Variants in PRKG1 observed in about 807,000 individuals in gnomAD.
PRKG1 encodes the protein cGMP-dependent protein kinase 1.
A neutral mutation model predicts 88.1 loss-of-function variants in PRKG1; 35 were observed. That is an observed-to-expected ratio of 0.40 (90% CI 0.30 to 0.53). PRKG1 has a LOEUF of 0.53. Among genes scored for constraint, PRKG1 ranks in the 20% least tolerant of loss-of-function variants. PRKG1 has a pLI of 0.59. For synonymous variants in PRKG1, 303 were observed against 292.5 expected (o/e 1.04, Z -0.37); for missense variants, 540 against 839.8 (o/e 0.64, Z 4.41).
intron 2 of PRKG1, among the ~76,000 whole-genome samples, chr10:51,236,541 C>A (rs145287293): frequency 1.3e-5 from 2 of 150,528 alleles, no homozygotes; most frequent in African/African-American, 2.5e-5. Context: ...CTTGCTCTGT[C>A]GCCCAGGCTG....
chr10:51,918,682 C>A (rs970999574), intron 5 of PRKG1, among the ~76,000 whole-genome samples: 1 of 152,104 alleles, frequency 6.6e-6, no homozygotes, highest in Admixed American at 6.6e-5. Flanking sequence ...TTGTGTGAAA[C>A]TGTAAATTAG....
chr10:52,283,801 T>C (rs895641680), intron 14 of PRKG1, among the ~76,000 whole-genome samples: 3 of 152,018 alleles, frequency 2.0e-5, no homozygotes, highest in Admixed American at 6.6e-5. Context: ...GGCAGAGAGA[T>C]AGATAAAAAG....
At chr10:52,021,689 T>A (rs1166864538) in intron 5 of PRKG1, among the ~76,000 whole-genome samples, 1 of 152,200 alleles carries the variant, frequency 6.6e-6, no homozygotes, top group African/African-American at 2.4e-5. Context: ...TATGCATCAT[T>A]TGAATTACCC....
At position 51,111,287 on chromosome 10, in the gene PRKG1, G is replaced by A. The variant is rs186782336; in HGVS notation, c.311+36386G>A. Among the ~76,000 whole-genome samples the A allele has an allele frequency of 4.2e-4, 64 of 152,126 alleles. No individual in the cohort carries two copies. The East Asian group carries it at 0.012, about 28-fold the overall frequency. ...TTGTTTATATTTTTAAATTTTTTGT[G>A]TGGGCACATAGTAGATTTATATATT... On this transcript the variant is annotated intron_variant, in intron 1 of 17. Transcript: ENST00000373980.
chr10:51,508,191 C>A (rs770460302), intron 3 of PRKG1, among the ~76,000 whole-genome samples: 4 of 152,042 alleles, frequency 2.6e-5, no homozygotes, highest in Non-Finnish European at 4.4e-5. Flanking sequence ...CAGGACCTGG[C>A]AAAGTGTTAA....
chr10:51,178,629 C>A (rs774062670), intron 2 of PRKG1, among the ~76,000 whole-genome samples: 9 of 152,048 alleles, frequency 5.9e-5, no homozygotes, highest in South Asian at 2.1e-4. Context: ...AGAGTGAGAA[C>A]CCTGTCTCAA....
chr10:52,282,787 TATAAAACAAACTTTAA>T (rs1177770289), intron 14 of PRKG1, among the ~76,000 whole-genome samples: 44 of 152,110 alleles, frequency 2.9e-4, no homozygotes, highest in Admixed American at 2.0e-3. Context: ...CACCACAAGG[TATAAAACAAACTTTAA>T]GATCCTCAAG....
chr10:51,804,217 G>T (rs1054910487), intron 3 of PRKG1, among the ~76,000 whole-genome samples: 9 of 151,926 alleles, frequency 5.9e-5, no homozygotes, highest in African/African-American at 9.7e-5. Context: ...AATTACTAGG[G>T]TTTATTATTA....
At chr10:52,154,068 TGG>T (rs3031002) in intron 8 of PRKG1, among the ~76,000 whole-genome samples, 45,604 of 151,838 alleles carry the variant, frequency 0.3, 7,026 homozygotes, top group East Asian at 0.4. Context: ...TTATTCAAAA[TGG>T]AACAAGTGAT....
chr10:51,255,389 T>C (rs1326017225), intron 2 of PRKG1, among the ~76,000 whole-genome samples: 1 of 152,134 alleles, frequency 6.6e-6, no homozygotes, highest in Non-Finnish European at 1.5e-5. Context: ...CTCTCAAGAA[T>C]CAGCCAGGAT....
intron 5 of PRKG1, among the ~76,000 whole-genome samples, chr10:51,984,942 T>C (rs909203854): frequency 6.6e-6 from 1 of 152,196 alleles, no homozygotes; most frequent in Non-Finnish European, 1.5e-5. Flanking sequence ...GGCAGTACCC[T>C]TAATGCTTCA....
At chr10:51,655,983 TA>T (rs1374677720) in intron 3 of PRKG1, among the ~76,000 whole-genome samples, 1 of 152,174 alleles carries the variant, frequency 6.6e-6, no homozygotes, top group South Asian at 2.1e-4. Flanking sequence ...GATTCATTTT[TA>T]AAAGTCAGGT....
intron 3 of PRKG1, among the ~76,000 whole-genome samples, chr10:51,491,721 T>C (rs1840712255): frequency 6.6e-6 from 1 of 152,124 alleles, no homozygotes; most frequent in Non-Finnish European, 1.5e-5. Context: ...GATCGAGTAA[T>C]TCAGCTGGGA....
In PRKG1 at chr10:52,185,903, A is replaced by C. The variant is rs191800772; in HGVS notation, c.1076+23940A>C. ...GCAAAGAGCAGTGTCCCAAGGCTGC[A>C]CAGGGTAGCAGAGACCTGGGGCTGG... On this transcript the variant is annotated intron_variant, in intron 9 of 17. Coordinates refer to ENST00000373980, the MANE Select transcript of PRKG1 (RefSeq NM_006258.4). Among the ~76,000 whole-genome samples the C allele has an allele frequency of 4.6e-5, 7 of 152,302 alleles. No homozygotes were observed. In the East Asian group the frequency reaches 1.4e-3, roughly 30 times the overall value.
intron 1 of PRKG1, among the ~76,000 whole-genome samples, chr10:51,036,615 A>T (rs867748346): frequency 2.6e-5 from 4 of 152,132 alleles, no homozygotes; most frequent in Non-Finnish European, 5.9e-5. Flanking sequence ...ATTCTCACTG[A>T]CCTTTAAAAC....
chr10:51,777,605 C>T (rs1838473887), intron 3 of PRKG1, among the ~76,000 whole-genome samples: 1 of 152,074 alleles, frequency 6.6e-6, no homozygotes, highest in Non-Finnish European at 1.5e-5. Flanking sequence ...ATTGACATAC[C>T]TACATTGACA....
chr10:51,081,521 G>A (rs1191699352), intron 1 of PRKG1, among the ~76,000 whole-genome samples: 3 of 152,160 alleles, frequency 2.0e-5, no homozygotes, highest in African/African-American at 7.2e-5. Context: ...GCATTGTATT[G>A]TCCCTTTGAA....
intron 5 of PRKG1, among the ~76,000 whole-genome samples, chr10:51,999,952 G>T (rs573526483): frequency 6.6e-6 from 1 of 151,982 alleles, no homozygotes; most frequent in Non-Finnish European, 1.5e-5. Flanking sequence ...AAAAATTTTC[G>T]AATTTATATT....
intron 9 of PRKG1, among the ~76,000 whole-genome samples, chr10:52,180,959 G>A (rs956734588): frequency 2.0e-5 from 3 of 152,156 alleles, no homozygotes; most frequent in Non-Finnish European, 4.4e-5. Context: ...GTGTATGTCT[G>A]TTGGAGGTGT....
Sources: gnomAD v4.1 joint callset for allele counts (sites outside exome capture counted in the v4.1 genomes callset) on GRCh38, gnomAD v4.1.1 for gene constraint, MANE v1.5 for transcripts, NCBI Gene and HGNC (gene_info 2026-07-23, HGNC 2026-07-21) for gene names.